FXR2: variants seen among roughly 807,000 people sequenced by gnomAD.
FXR2 encodes RNA-binding protein FXR2.
FXR2 carries 9 observed loss-of-function variants against 87.3 expected under a neutral mutation model. The observed-to-expected ratio is 0.10, with a 90% confidence interval of 0.06 to 0.18. The LOEUF is 0.18. Among genes scored for constraint, FXR2 ranks in the 10% least tolerant of loss-of-function variants. FXR2 has a pLI of 1.00. For missense variants in FXR2, 661 were observed against 893.6 expected, an observed-to-expected ratio of 0.74 and a Z score of 3.32; for synonymous variants, 331 against 328.3, an observed-to-expected ratio of 1.01 and a Z score of -0.09.
At chr17:7,597,483 CTTTT>C (rs56705018) in intron 7 of FXR2, among the ~76,000 whole-genome samples, 2 of 145,728 alleles carry the variant, frequency 1.4e-5, no homozygotes, top group African/African-American at 2.5e-5. Context: ...GCTGGGTTTT[CTTTT>C]TTTTTTTTCT....
rs1472313735 is a variant in FXR2, at chr17:7,593,530, G to A, written c.1203C>T (p.Ser401=). 9.4e-6 allele frequency: 15 copies of A among 1,590,804 alleles called. No individual in the cohort carries two copies. Among genetic ancestry groups the A allele is most frequent in the African/African-American group, 2.7e-5 (2 of 74,682 alleles). ...TATATCCAGCCTTGTCGCTGCCACC[G>A]CTGCCCCGCCCACTCCCAGGAGGGC... The part of the protein sequence containing the change: ...GFRPPGSGRG[S]GGSDKAGYST... Residue 401 remains serine (S), a synonymous_variant, in exon 12 of 17, where the codon AGC becomes AGT. Coordinates refer to ENST00000250113, the MANE Select transcript of FXR2 (RefSeq NM_004860.4). The surrounding 1 kb of genome is among the most constrained non-coding windows in gnomAD (Gnocchi z 6.1).
chr17:7,614,261 G>A, intron 1 of FXR2, 191 bp downstream of exon 1: 6 of 680,466 alleles, frequency 8.8e-6, no homozygotes, highest in Middle Eastern at 3.5e-4. Flanking sequence ...AGGTGCCTTA[G>A]AGGGGTCAAA....
At chr17:7,609,953 TAC>T (rs975282760) in intron 1 of FXR2, among the ~76,000 whole-genome samples, 1 of 98,724 alleles carries the variant, frequency 1.0e-5, no homozygotes, top group African/African-American at 2.9e-5. Context: ...TGTATATGTA[TAC>T]ATATATATAC....
At chr17:7,598,315 C>T (rs539437712) in intron 7 of FXR2, among the ~76,000 whole-genome samples, 15 of 152,098 alleles carry the variant, frequency 9.9e-5, no homozygotes, top group South Asian at 4.1e-4. Flanking sequence ...ATCAGCCGGG[C>T]GTGGTGGCAG....
At chr17:7,605,338 A>G (rs2071794368) in intron 3 of FXR2, among the ~76,000 whole-genome samples, 1 of 152,160 alleles carries the variant, frequency 6.6e-6, no homozygotes, top group Non-Finnish European at 1.5e-5. Context: ...ACTGCACTCC[A>G]GCCTGGGCAA....
At chr17:7,614,172 T>G in intron 1 of FXR2, 3 of 651,438 alleles carry the variant, frequency 4.6e-6, no homozygotes, top group Admixed American at 2.1e-5. Flanking sequence ...GGGTCTCTCC[T>G]GCGGAGCGGG....
rs779904152 is a variant in FXR2, at chr17:7,603,772, T to C, written c.434A>G (p.Glu145Gly). The change falls in exon 5 of 17, where the codon GAG (glutamate) becomes GGG (glycine). Residue 145 changes from glutamate (E) to glycine (G), a missense_variant. This residue lies in a region of FXR2 where 170 missense variants were observed against 247.2 expected (regional missense o/e 0.69). Coordinates refer to ENST00000250113, the MANE Select transcript of FXR2 (RefSeq NM_004860.4). ...TAACACTCACGCTTCTCTCAGATCCTCGGGCACAGCCATGGTAACCTTGAA... is the reference window on the plus strand; with the variant it reads ...TAACACTCACGCTTCTCTCAGATCCCCGGGCACAGCCATGGTAACCTTGAA... Reference protein sequence around the residue: ...SFFKVTMAVPEDLREACSNEN... With the variant: ...SFFKVTMAVPGDLREACSNEN... 2 of 1,613,826 alleles carry C rather than the reference T, an allele frequency of 1.2e-6. No homozygotes were observed. The highest frequency in any genetic ancestry group is 2.2e-5 in the South Asian group (2 of 91,078).
chr17:7,593,105 G>A lies in FXR2; in HGVS notation c.1407C>T (p.Gly469=), dbSNP rs745627408. The change falls in exon 13 of 17, where the codon GGC becomes GGT. Residue 469 remains glycine, a synonymous_variant. Transcript: ENST00000250113. This position sits in a 1 kb window ranked among gnomAD's most constrained non-coding sequence, Gnocchi z 6.1. The stretch of plus-strand genomic sequence containing the variant: ...CCCCTCGGGTTGGGGGATCCCTGTC[G>A]CCAGGCCCAGCTCGGTTGGGCTCCT... ...KREEPNRAGP[G]DRDPPTRGEE... 1.8e-5 allele frequency: 28 copies of A among 1,593,662 alleles called. No individual in the cohort carries two copies. The highest frequency in any genetic ancestry group is 4.5e-5 in the East Asian group (2 of 44,608).
rs1229236455 is a variant in FXR2 at position 7,592,378 on chromosome 17, C to T, written c.1826-24G>A. ...CACTGGGGAAGGCAGGAGATTAAGA[C>T]TTTCAGATGGAATTCTGGTAGCCAG... On this transcript the variant is annotated intron_variant, in intron 15 of 16. Transcript: ENST00000250113. This position sits in a 1 kb window ranked among gnomAD's most constrained non-coding sequence, Gnocchi z 4.8. 1 of 1,584,218 alleles carries T rather than the reference C, an allele frequency of 6.3e-7. No homozygotes were observed. Among genetic ancestry groups the T allele is most frequent in the South Asian group, 1.1e-5 (1 of 90,516 alleles).
At chr17:7,602,360 T>C (rs1301154462) in intron 6 of FXR2, among the ~76,000 whole-genome samples, 2 of 152,112 alleles carry the variant, frequency 1.3e-5, no homozygotes, top group East Asian at 3.9e-4. Context: ...GATCAGCAGT[T>C]CAGGACCAGC....
intron 1 of FXR2, among the ~76,000 whole-genome samples, chr17:7,607,896 A>G (rs2150946698): frequency 6.6e-6 from 1 of 152,132 alleles, no homozygotes; most frequent in East Asian, 1.9e-4. Flanking sequence ...CCCAGGTTCA[A>G]GCAATTCTGC....
Position 7,593,858 on chromosome 17 carries a change from C to A in FXR2, c.1107+60G>T. 9.2e-7 allele frequency: 1 copy of A among 1,082,440 alleles called. No homozygotes were observed. Among genetic ancestry groups the A allele is most frequent in the South Asian group, 1.3e-5 (1 of 79,900 alleles). The allele number at this position is 1,082,440 out of a possible 1,614,324, so 67.1% of individuals were successfully genotyped here. A position where few individuals can be genotyped will look rare whatever the true frequency, so the allele number is the denominator to read the frequency against. On this transcript the variant is annotated intron_variant, in intron 11 of 16. Coordinates refer to ENST00000250113, the MANE Select transcript of FXR2 (RefSeq NM_004860.4). The surrounding 1 kb of genome is among the most constrained non-coding windows in gnomAD (Gnocchi z 6.1). ...AGAGAACCAAAATCCCTGAGCTGAC[C>A]CCCACAGCAGTCTTAGTTCCCTTTT...
chr17:7,594,692 G>A lies in FXR2; in HGVS notation c.897C>T (p.Pro299=). The change falls in exon 9 of 17, where the codon CCC becomes CCT. Residue 299 remains proline (P), a synonymous_variant. Coordinates refer to ENST00000250113, the MANE Select transcript of FXR2 (RefSeq NM_004860.4). The surrounding 1 kb of genome is among the most constrained non-coding windows in gnomAD (Gnocchi z 5.1). ...LEFSEDSVQV[P]RNLVGKVIGK... is the part of the protein sequence containing the mutation. ...CCACCAACTCACCAACCAGGTTCCT[G>A]GGCACTTGCACTGAGTCCTCAGAAA... The A allele has an allele frequency of 6.2e-7, 1 of 1,605,332 alleles. No individual in the cohort carries two copies. The highest frequency in any genetic ancestry group is 8.5e-7 in the Non-Finnish European group (1 of 1,172,000).
chr17:7,591,484 C>T lies in FXR2; in HGVS notation c.*346G>A. ...GAGGAGGGATAGCAGGGGAGGCCCCCTGAACGGTCAAATCTGGGTGGGTCG... is the reference window on the plus strand; with the variant it reads ...GAGGAGGGATAGCAGGGGAGGCCCCTTGAACGGTCAAATCTGGGTGGGTCG... On this transcript the variant is annotated 3_prime_UTR_variant, in exon 17 of 17. Transcript: ENST00000250113. The surrounding 1 kb of genome is among the most constrained non-coding windows in gnomAD (Gnocchi z 4.0). 2 of 300,454 alleles carry T rather than the reference C, an allele frequency of 6.7e-6. No homozygotes were observed. The highest frequency in any genetic ancestry group is 1.3e-5 in the Non-Finnish European group (2 of 154,724). The allele number at this position is 300,454 out of a possible 1,614,324, so 18.6% of individuals were successfully genotyped here.
At chr17:7,610,669 T>A (rs1318691975) in intron 1 of FXR2, among the ~76,000 whole-genome samples, 1 of 152,194 alleles carries the variant, frequency 6.6e-6, no homozygotes, top group African/African-American at 2.4e-5. Context: ...ATACTAGTTT[T>A]TTTCTCCAAG....
chr17:7,594,661 T>A lies in FXR2; in HGVS notation c.910+18A>T. 6.7e-7 allele frequency: 1 copy of A among 1,502,906 alleles called. No individual in the cohort carries two copies. Among genetic ancestry groups the A allele is most frequent in the Non-Finnish European group, 9.3e-7 (1 of 1,078,522 alleles). 93.1% of individuals were successfully genotyped at this position (1,502,906 alleles called of 1,614,324 possible). Reference sequence around the variant, plus strand: ...CTTGATTCTGACCTCTAACTGTATATACACACCACCAACTCACCAACCAGG... The same window carrying A: ...CTTGATTCTGACCTCTAACTGTATAAACACACCACCAACTCACCAACCAGG... On this transcript the variant is annotated intron_variant, in intron 9 of 16. Transcript: ENST00000250113. The surrounding 1 kb of genome is among the most constrained non-coding windows in gnomAD (Gnocchi z 5.1).
At chr17:7,608,102 T>G (rs2071818640) in intron 1 of FXR2, among the ~76,000 whole-genome samples, 1 of 151,808 alleles carries the variant, frequency 6.6e-6, no homozygotes, top group Non-Finnish European at 1.5e-5. Flanking sequence ...CTTTTTTTTA[T>G]TTTTAATATA....
Position 7,593,670 on chromosome 17 carries a change from A to G in FXR2, c.1108-45T>C. 1.5e-6 allele frequency: 2 copies of G among 1,324,608 alleles called. No individual in the cohort carries two copies. Among genetic ancestry groups the G allele is most frequent in the Non-Finnish European group, 1.1e-6 (1 of 945,574 alleles). 82.1% of individuals were successfully genotyped at this position (1,324,608 alleles called of 1,614,324 possible). A position where few individuals can be genotyped will look rare whatever the true frequency, so the allele number is the denominator to read the frequency against. On this transcript the variant is annotated intron_variant, in intron 11 of 16. Transcript: ENST00000250113. The surrounding 1 kb of genome is among the most constrained non-coding windows in gnomAD (Gnocchi z 6.1). ...AAGAAGGGGAAGGAGAAATAAGATC[A>G]GTGCCTTGCTTCATGCTTCTGCACC...
rs558765744 is a variant in FXR2, at chr17:7,603,059, G to A, written c.450-57C>T. ...ATGCAGAGAGTACAGTGAAGAGTTC[G>A]GGGGAGGCTGGACATGGTGGTTTGC... On this transcript the variant is annotated intron_variant, in intron 5 of 16. Coordinates refer to ENST00000250113, the MANE Select transcript of FXR2 (RefSeq NM_004860.4). 2.3e-4 allele frequency: 196 copies of A among 840,890 alleles called. 3 individuals carry two copies. The South Asian group carries it at 2.6e-3, about 11-fold the overall frequency. The allele number at this position is 840,890 out of a possible 1,614,324, so 52.1% of individuals were successfully genotyped here.
Sources: gnomAD v4.1 joint callset for allele counts (sites outside exome capture counted in the v4.1 genomes callset) on GRCh38, gnomAD v4.1.1 for gene constraint, gnomAD v4.1.1 regional missense constraint, Gnocchi (gnomAD v3.1) non-coding constraint, MANE v1.5 for transcripts, NCBI Gene and HGNC (gene_info 2026-07-23, HGNC 2026-07-21) for gene names.